The following SSBP2 variants were observed in gnomAD, a reference collection of about 807,000 sequenced individuals.
The protein encoded by SSBP2 is single-stranded DNA-binding protein 2.
Under a neutral mutation model 61.8 loss-of-function variants are expected in SSBP2, and 17 were observed. The ratio of observed to expected loss-of-function variants is 0.28; its 90% confidence interval spans 0.19 to 0.41. The LOEUF (loss-of-function observed/expected upper bound fraction) is 0.41, where lower values mean the gene tolerates loss of function less well. Ranked by LOEUF, SSBP2 falls within the 10% of genes least tolerant of loss-of-function variation. The probability of loss-of-function intolerance (pLI) is 1.00; values close to 1 mark genes in which losing one functional copy is unlikely to be tolerated. For synonymous variants in SSBP2, 139 were observed against 141.3 expected, an observed-to-expected ratio of 0.98 and a Z score of 0.12; for missense variants, 310 against 458.7, an observed-to-expected ratio of 0.68 and a Z score of 2.96.
At chr5:81,616,373 C>G (rs1430456048) in intron 3 of SSBP2, 2 of 143,790 alleles carry the variant, frequency 1.4e-5, no homozygotes, top group East Asian at 4.1e-4. Flanking sequence ...CACTCCCACC[C>G]GAATATTGCG....
chr5:81,750,992 C>G lies in SSBP2; in HGVS notation c.51G>C (p.Gln17His). 6.3e-7 allele frequency: 1 copy of G among 1,598,050 alleles called. No individual in the cohort carries two copies. Among genetic ancestry groups the G allele is most frequent in the Non-Finnish European group, 8.5e-7 (1 of 1,172,464 alleles). ...GCGGAGACACTTACTTCTCCCGGGCCTGGCTGTCGGACGGGACGGCGCTGC... is the reference window on the plus strand; with the variant it reads ...GCGGAGACACTTACTTCTCCCGGGCGTGGCTGTCGGACGGGACGGCGCTGC... Residue 17 changes from glutamine to histidine, a missense_variant, in exon 1 of 17, where the codon CAG becomes CAC. Around this residue, in one of 4 missense-constraint regions of SSBP2, gnomAD observed 36 missense variants for 27.0 expected, o/e 1.33. Transcript: ENST00000320672.
chr5:81,483,607 C>T (rs867397133), intron 6 of SSBP2, among the ~76,000 whole-genome samples: 13 of 152,164 alleles, frequency 8.5e-5, no homozygotes, highest in Admixed American at 1.3e-4. Flanking sequence ...TTATACATTG[C>T]TGGCTTTTGG....
intron 1 of SSBP2, among the ~76,000 whole-genome samples, chr5:81,711,601 T>G (rs1216137872): frequency 2.0e-5 from 3 of 151,964 alleles, no homozygotes; most frequent in African/African-American, 7.3e-5. Context: ...TCTTCAGATA[T>G]ATCACCAACA....
chr5:81,527,918 A>G (rs890505701), intron 4 of SSBP2, among the ~76,000 whole-genome samples: 13 of 150,590 alleles, frequency 8.6e-5, no homozygotes, highest in Admixed American at 8.0e-4. Context: ...AAAAAAAAAA[A>G]GTGTTCTAAT....
chr5:81,639,732 ATAC>A (rs1692939679), intron 2 of SSBP2, among the ~76,000 whole-genome samples: 1 of 152,158 alleles, frequency 6.6e-6, no homozygotes, highest in African/African-American at 2.4e-5. Flanking sequence ...GAGGCCCTTA[ATAC>A]TACTAAGAAG....
chr5:81,475,987 A>G (rs1241527430), intron 6 of SSBP2, among the ~76,000 whole-genome samples: 1 of 152,110 alleles, frequency 6.6e-6, no homozygotes, highest in Non-Finnish European at 1.5e-5. Context: ...AAACTTCCAG[A>G]AACTGCACAA....
At chr5:81,519,353 T>C (rs1184249262) in intron 4 of SSBP2, among the ~76,000 whole-genome samples, 1 of 152,166 alleles carries the variant, frequency 6.6e-6, no homozygotes, top group Non-Finnish European at 1.5e-5. Context: ...GTTTTATCCA[T>C]ATATACACTA....
At chr5:81,486,612 G>A (rs1379476296) in intron 6 of SSBP2, among the ~76,000 whole-genome samples, 1 of 152,088 alleles carries the variant, frequency 6.6e-6, no homozygotes, top group Admixed American at 6.6e-5. Flanking sequence ...AATAAGAGAT[G>A]CACATTTCTT....
At chr5:81,526,648 T>C (rs55805731) in intron 4 of SSBP2, among the ~76,000 whole-genome samples, 1 of 152,058 alleles carries the variant, frequency 6.6e-6, no homozygotes, top group African/African-American at 2.4e-5. Flanking sequence ...GGTCTTTATA[T>C]ATTTTTAAAT....
chr5:81,648,548 A>G (rs1293951991), intron 2 of SSBP2, among the ~76,000 whole-genome samples: 1 of 152,080 alleles, frequency 6.6e-6, no homozygotes, highest in Non-Finnish European at 1.5e-5. Flanking sequence ...GCAGGGAACT[A>G]TTGGCAATGA....
chr5:81,627,817 G>A (rs1186906606), intron 3 of SSBP2, among the ~76,000 whole-genome samples: 1 of 152,054 alleles, frequency 6.6e-6, no homozygotes, highest in East Asian at 1.9e-4. Context: ...CAGCACTTTG[G>A]CAGGCAGAAG....
intron 16 of SSBP2, among the ~76,000 whole-genome samples, chr5:81,423,436 G>T (rs1265843293): frequency 6.6e-6 from 1 of 152,162 alleles, no homozygotes; most frequent in Non-Finnish European, 1.5e-5. Flanking sequence ...GGACCTCAAA[G>T]GAAATGCTTT....
intron 1 of SSBP2, among the ~76,000 whole-genome samples, chr5:81,673,921 T>C (rs1234618539): frequency 6.6e-6 from 1 of 152,178 alleles, no homozygotes; most frequent in Non-Finnish European, 1.5e-5. Context: ...AAGTGTCCAA[T>C]CAATGAAAGT....
At chr5:81,622,106 TAA>T (rs35548135) in intron 3 of SSBP2, among the ~76,000 whole-genome samples, 148 of 109,744 alleles carry the variant, frequency 1.3e-3, no homozygotes, top group African/African-American at 4.5e-3. Context: ...TAGAGTATAA[TAA>T]AAAAAAAAAA....
chr5:81,711,759 A>G (rs1295935673), intron 1 of SSBP2, among the ~76,000 whole-genome samples: 2 of 152,092 alleles, frequency 1.3e-5, no homozygotes, highest in African/African-American at 2.4e-5. Flanking sequence ...GTAGATTAGC[A>G]TAATGGTTAA....
At chr5:81,622,096 T>TAA (rs562591024) in intron 3 of SSBP2, among the ~76,000 whole-genome samples, 1 of 140,650 alleles carries the variant, frequency 7.1e-6, no homozygotes, top group Non-Finnish European at 1.5e-5. Context: ...CCCTAAAACT[T>TAA]AGAGTATAAT....
In SSBP2 at chr5:81,503,172, C is replaced by G. The variant is rs999390747; in HGVS notation, c.372+10456G>C. Among the ~76,000 whole-genome samples the G allele has an allele frequency of 5.9e-5, 9 of 151,990 alleles. No homozygotes were observed. The East Asian group carries it at 1.7e-3, about 29-fold the overall frequency. ...TAAAAATGTCAAAAAACAACAGATG[C>G]AGCTGGGCGTGGTGGCTCATACCTG... On this transcript the variant is annotated intron_variant, in intron 5 of 16. Coordinates refer to ENST00000320672, the MANE Select transcript of SSBP2 (RefSeq NM_012446.5).
intron 6 of SSBP2, among the ~76,000 whole-genome samples, chr5:81,488,181 T>C (rs1766579517): frequency 6.6e-6 from 1 of 150,846 alleles, no homozygotes; most frequent in Non-Finnish European, 1.5e-5. Flanking sequence ...GTAATGAACA[T>C]GGGAATGCAG....
At chr5:81,576,767 T>C (rs1774246904) in intron 4 of SSBP2, among the ~76,000 whole-genome samples, 1 of 152,052 alleles carries the variant, frequency 6.6e-6, no homozygotes, top group South Asian at 2.1e-4. Flanking sequence ...TCTAGATAAA[T>C]TAAAGGAATA....
Sources: allele counts gnomAD v4.1 joint callset (sites outside exome capture counted in the v4.1 genomes callset), GRCh38; gene constraint gnomAD v4.1.1; regional missense constraint gnomAD v4.1.1; transcripts MANE v1.5; gene names NCBI Gene and HGNC (gene_info 2026-07-23, HGNC 2026-07-21).